Variants in WDR72 observed in about 807,000 individuals in gnomAD.
The protein encoded by WDR72 is WD repeat-containing protein 72.
A neutral mutation model predicts 124.2 loss-of-function variants in WDR72; 120 were observed. The observed-to-expected ratio is 0.97, with a 90% CI of 0.83 to 1.12. The LOEUF (loss-of-function observed/expected upper bound fraction) is 1.12, where lower values mean the gene tolerates loss of function less well. Ranked by LOEUF, WDR72 falls within the 50% of genes most tolerant of loss-of-function variation. WDR72 has a pLI of 0.00. For missense variants in WDR72, 1,387 were observed against 1,278.8 expected (o/e 1.08, Z -1.29); for synonymous variants, 452 against 441.7 (o/e 1.02, Z -0.29).
At chr15:53,661,620 A>G (rs2015612149) in intron 14 of WDR72, among the ~76,000 whole-genome samples, 1 of 152,202 alleles carries the variant, frequency 6.6e-6, no homozygotes, top group African/African-American at 2.4e-5. Flanking sequence ...GGTCTAGTTC[A>G]TCATTGTCTA....
At chr15:53,605,798 T>C (rs1263200536) in intron 17 of WDR72, among the ~76,000 whole-genome samples, 1 of 151,858 alleles carries the variant, frequency 6.6e-6, no homozygotes, top group Non-Finnish European at 1.5e-5. Context: ...GAGGCTGCAG[T>C]GAGCCGAGAT....
intron 18 of WDR72, among the ~76,000 whole-genome samples, chr15:53,544,770 C>T (rs1015607168): frequency 1.1e-4 from 16 of 151,202 alleles, no homozygotes; most frequent in South Asian, 6.3e-4. Flanking sequence ...ACCCCATTGC[C>T]TCAGCCCAAA....
chr15:53,527,870 C>G (rs568231317), intron 18 of WDR72, among the ~76,000 whole-genome samples: 1 of 152,000 alleles, frequency 6.6e-6, no homozygotes, highest in Non-Finnish European at 1.5e-5. Flanking sequence ...TTCAAAGTTA[C>G]TAGCTCAATA....
chr15:53,703,423 A>G (rs541318813), intron 11 of WDR72, among the ~76,000 whole-genome samples: 5 of 151,974 alleles, frequency 3.3e-5, no homozygotes, highest in Admixed American at 3.3e-4. Context: ...TTGCTGTTAA[A>G]TTAATCTGCC....
intron 2 of WDR72, among the ~76,000 whole-genome samples, chr15:53,731,277 G>T (rs1271024000): frequency 6.6e-6 from 1 of 151,826 alleles, no homozygotes; most frequent in Non-Finnish European, 1.5e-5. Context: ...CTAGGTTAAG[G>T]CAACAAACAG....
chr15:53,638,580 CTTTTTTT>C (rs3081298), intron 14 of WDR72, among the ~76,000 whole-genome samples: 8 of 125,850 alleles, frequency 6.4e-5, no homozygotes, highest in African/African-American at 1.5e-4. Flanking sequence ...TAATCACATT[CTTTTTTT>C]TTTTTTTTTT....
At chr15:53,625,111 T>A (rs2014151383) in intron 14 of WDR72, among the ~76,000 whole-genome samples, 1 of 152,208 alleles carries the variant, frequency 6.6e-6, no homozygotes, top group Non-Finnish European at 1.5e-5. Context: ...ATAAAATATA[T>A]CTAAAACATC....
intron 18 of WDR72, among the ~76,000 whole-genome samples, chr15:53,570,677 T>A (rs1894490927): frequency 6.6e-6 from 1 of 151,710 alleles, no homozygotes; most frequent in Non-Finnish European, 1.5e-5. Flanking sequence ...AGTTTGGAGG[T>A]CTCTCAAAGA....
chr15:53,531,809 G>T (rs1481781785), intron 18 of WDR72, among the ~76,000 whole-genome samples: 3 of 151,988 alleles, frequency 2.0e-5, no homozygotes, highest in African/African-American at 7.2e-5. Flanking sequence ...GATATTTCTA[G>T]ATAAGACAGT....
chr15:53,712,000 G>A (rs1003348146), intron 7 of WDR72, among the ~76,000 whole-genome samples: 19 of 152,026 alleles, frequency 1.2e-4, no homozygotes, highest in African/African-American at 4.1e-4. Flanking sequence ...AAATGTCAGC[G>A]AACATATTCA....
At chr15:53,726,923 C>T (rs549852148) in intron 2 of WDR72, among the ~76,000 whole-genome samples, 1 of 152,174 alleles carries the variant, frequency 6.6e-6, no homozygotes, top group East Asian at 1.9e-4. Context: ...GAAGTAAATT[C>T]CTCATTATTT....
At chr15:53,659,440 C>T (rs189054870) in intron 14 of WDR72, among the ~76,000 whole-genome samples, 127 of 152,146 alleles carry the variant, frequency 8.3e-4, no homozygotes, top group African/African-American at 2.7e-3. Flanking sequence ...ACATGGCCAA[C>T]GAATGTTTAG....
Position 53,539,830 on chromosome 15 carries a change from C to G in WDR72, c.3149-16508G>C, listed in dbSNP as rs182961171. On this transcript the variant is annotated intron_variant, in intron 18 of 19. Transcript: ENST00000360509. Reference sequence around the variant, plus strand: ...ATAAATGTTAATGGACTTAATTCACCTATTAGAATAAAAGAGATTAAGATT... The same window carrying G: ...ATAAATGTTAATGGACTTAATTCACGTATTAGAATAAAAGAGATTAAGATT... 1.7e-3 allele frequency among the ~76,000 whole-genome samples: 256 copies of G among 152,034 alleles called. 1 individual carries two copies. Among genetic ancestry groups the G allele is most frequent in the African/African-American group, 5.8e-3 (241 of 41,488 alleles).
intron 14 of WDR72, among the ~76,000 whole-genome samples, chr15:53,619,927 C>G (rs557205680): frequency 3.3e-5 from 5 of 152,108 alleles, no homozygotes; most frequent in South Asian, 2.1e-4. Context: ...AGCCAACAAA[C>G]AGGTAAACAT....
intron 13 of WDR72, among the ~76,000 whole-genome samples, chr15:53,679,611 G>A (rs2016307646): frequency 6.6e-6 from 1 of 152,140 alleles, no homozygotes; most frequent in Admixed American, 6.5e-5. Context: ...CCAGAGCATG[G>A]CAACTCAACT....
intron 14 of WDR72, among the ~76,000 whole-genome samples, chr15:53,651,020 C>A (rs966005265): frequency 3.3e-5 from 5 of 149,838 alleles, no homozygotes; most frequent in Non-Finnish European, 7.4e-5. Flanking sequence ...AGTCAAGCTT[C>A]TTACTTTGGA....
In WDR72 at chr15:53,629,325, A is replaced by G. The variant is rs189980243; in HGVS notation, c.1963-13082T>C. On this transcript the variant is annotated intron_variant, in intron 14 of 19. Coordinates refer to ENST00000360509, the MANE Select transcript of WDR72 (RefSeq NM_182758.4). ...ACTTCTATAACACAGGGAAACTAAT[A>G]CTCAGAAAGATAGCTACAAATATAA... 1.8e-4 allele frequency among the ~76,000 whole-genome samples: 27 copies of G among 152,196 alleles called. No homozygotes were observed. The East Asian group carries it at 4.4e-3, about 25-fold the overall frequency.
intron 18 of WDR72, among the ~76,000 whole-genome samples, chr15:53,580,716 T>TA (rs1038916625): frequency 4.3e-4 from 65 of 150,462 alleles, no homozygotes; most frequent in African/African-American, 1.3e-3. Flanking sequence ...AGATAAGCCT[T>TA]AAAAAAAAAG....
rs751269504 is a variant in WDR72, at chr15:53,613,672, G to A, written c.2866C>T (p.Arg956Ter). Residue 956 changes from arginine (R) to a stop codon, truncating the protein, a stop_gained, in exon 16 of 20, where the codon CGA (arginine) becomes TGA (stop). Transcript: ENST00000360509. LOFTEE classifies it high-confidence loss of function. ...GTGCCAGTAACTCTCTTACCATTTC[G>A]TAAGCAACTGTAGAAGCTTGACATA... is the stretch of plus-strand genomic sequence containing the variant. Reference protein sequence around the residue: ...LNMSSFYSCLRNGKNESHVPE... With the variant: ...LNMSSFYSCL 20 of 1,606,408 alleles carry A rather than the reference G, an allele frequency of 1.2e-5. No homozygotes were observed. The highest frequency in any genetic ancestry group is 1.5e-5 in the Non-Finnish European group (18 of 1,175,192).
Sources: gnomAD v4.1 joint callset for allele counts (sites outside exome capture counted in the v4.1 genomes callset) on GRCh38, gnomAD v4.1.1 for gene constraint, MANE v1.5 for transcripts, NCBI Gene and HGNC (gene_info 2026-07-23, HGNC 2026-07-21) for gene names.